Variants in FHL2 observed in about 807,000 individuals in gnomAD.
FHL2 encodes four and a half LIM domains 2.
In FHL2, 20 loss-of-function variants were observed where a neutral mutation model predicts 32.7. That is an observed-to-expected ratio of 0.61 (90% CI 0.43 to 0.89). The LOEUF (loss-of-function observed/expected upper bound fraction) is 0.89, where lower values mean the gene tolerates loss of function less well. FHL2 is among the 40% of genes least tolerant of loss of function. FHL2 has a pLI of 0.00. For synonymous variants in FHL2, 123 were observed against 128.1 expected, an observed-to-expected ratio of 0.96 and a Z score of 0.27; for missense variants, 311 against 358.6, an observed-to-expected ratio of 0.87 and a Z score of 1.07.
At chr2:105,405,322 G>A (rs140187707) in intron 1 of FHL2, among the ~76,000 whole-genome samples, 62 of 152,304 alleles carry the variant, frequency 4.1e-4, no homozygotes, top group Non-Finnish European at 4.4e-4. Context: ...TTGAGTGAAC[G>A]GTTTGCTTCC....
At position 105,363,305 on chromosome 2, in the gene FHL2, C is replaced by G. The variant is rs535364376; in HGVS notation, c.668G>C (p.Gly223Ala). The G allele has an allele frequency of 6.2e-7, 1 of 1,613,956 alleles. No individual in the cohort carries two copies. Among genetic ancestry groups the G allele is most frequent in the African/African-American group, 1.3e-5 (1 of 74,884 alleles). ...FCDLYAKKCA[G>A]CTNPISGLGG... ...CTCACCGCTGATGGGGTTGGTGCAC[C>G]CAGCACACTTCTTGGCATACAAGTC... The change falls in exon 6 of 7, where the codon GGG becomes GCG. Residue 223 changes from glycine (G) to alanine (A), a missense_variant. Physicochemically the swap from Gly to Ala is moderately conservative, Grantham distance 60. Transcript: ENST00000530340.
intron 1 of FHL2, among the ~76,000 whole-genome samples, chr2:105,417,859 A>G (rs981876458): frequency 6.6e-6 from 1 of 152,018 alleles, no homozygotes; most frequent in African/African-American, 2.4e-5. Flanking sequence ...TATCATGATT[A>G]CTAGTTTGGT....
chr2:105,424,537 A>G (rs894962249), intron 1 of FHL2, among the ~76,000 whole-genome samples: 1 of 152,256 alleles, frequency 6.6e-6, no homozygotes, highest in African/African-American at 2.4e-5. Flanking sequence ...GTATATACCC[A>G]AAGGATTATA....
chr2:105,438,502 T>G (rs1448253818), exon 1 of FHL2: 2 of 985,446 alleles, frequency 2.0e-6, no homozygotes, highest in African/African-American at 3.5e-5. Context: ...TCTGTGCAGC[T>G]GCCAGCCAGC....
intron 3 of FHL2, among the ~76,000 whole-genome samples, chr2:105,379,954 C>T (rs1681757620): frequency 6.6e-6 from 1 of 152,186 alleles, no homozygotes; most frequent in Non-Finnish European, 1.5e-5. Context: ...ACTAATTATG[C>T]CACGGGGTTT....
chr2:105,361,459 C>A, intron 6 of FHL2, 25 bp from the exon 7 acceptor site: 1 of 1,599,380 alleles, frequency 6.3e-7, no homozygotes, highest in South Asian at 1.1e-5. Context: ...AAAATAATAC[C>A]GGATGAAGAA....
chr2:105,398,129 C>A (rs894307461), intron 1 of FHL2, among the ~76,000 whole-genome samples: 8 of 152,058 alleles, frequency 5.3e-5, no homozygotes, highest in Non-Finnish European at 1.0e-4. Context: ...TGCAAGCCAG[C>A]TACACATTTC....
chr2:105,424,449 C>T (rs1232718147), intron 1 of FHL2, among the ~76,000 whole-genome samples: 1 of 152,196 alleles, frequency 6.6e-6, no homozygotes, highest in Non-Finnish European at 1.5e-5. Flanking sequence ...TTAGTTCAAC[C>T]ATTGTGGAAG....
At chr2:105,418,847 G>GT in intron 1 of FHL2, among the ~76,000 whole-genome samples, 1 of 152,084 alleles carries the variant, frequency 6.6e-6, no homozygotes, top group East Asian at 1.9e-4. Flanking sequence ...TGTTATAATT[G>GT]TTCTATTTTA....
upstream of FHL2, chr2:105,399,086 C>G: frequency 6.7e-7 from 1 of 1,486,622 alleles, no homozygotes; most frequent in Non-Finnish European, 8.9e-7. Context: ...CGAGAAACCC[C>G]GCCGTGTCAT....
intron 2 of FHL2, among the ~76,000 whole-genome samples, chr2:105,391,187 C>T (rs911533615): frequency 1.7e-4 from 26 of 152,112 alleles, no homozygotes; most frequent in African/African-American, 6.3e-4. Flanking sequence ...ATTGGTTGAG[C>T]TGGAACTATG....
At chr2:105,381,908 G>A (rs1195950653) in intron 3 of FHL2, among the ~76,000 whole-genome samples, 2 of 152,122 alleles carry the variant, frequency 1.3e-5, no homozygotes, top group Non-Finnish European at 2.9e-5. Context: ...AGACCAGCGA[G>A]GGAGGCCTGT....
At chr2:105,389,520 G>C (rs7557817) in intron 2 of FHL2, among the ~76,000 whole-genome samples, 56,676 of 152,110 alleles carry the variant, frequency 0.37, 10,825 homozygotes, top group East Asian at 0.52. Context: ...AAATAAGAAC[G>C]ATGAAAGGAC....
At chr2:105,382,115 A>G (rs1292272965) in intron 3 of FHL2, among the ~76,000 whole-genome samples, 2 of 152,194 alleles carry the variant, frequency 1.3e-5, no homozygotes, top group Non-Finnish European at 2.9e-5. Flanking sequence ...CCATTACCAA[A>G]CATTAACTGA....
chr2:105,373,146 C>T lies in FHL2; in HGVS notation c.331+413G>A, dbSNP rs75093299. 1.8e-4 allele frequency among the ~76,000 whole-genome samples: 28 copies of T among 152,314 alleles called. No individual in the cohort carries two copies. The East Asian group carries it at 4.4e-3, about 24-fold the overall frequency. Reference sequence around the variant, plus strand: ...GCTCACACCCTACGAATGCTCAGCTCGAGCCCAGTGCCTGGCACGCAAGGG... The same window carrying T: ...GCTCACACCCTACGAATGCTCAGCTTGAGCCCAGTGCCTGGCACGCAAGGG... On this transcript the variant is annotated intron_variant, in intron 4 of 6. Coordinates refer to ENST00000530340, the MANE Select transcript of FHL2 (RefSeq NM_001318895.3).
At chr2:105,383,928 G>A (rs1323771906) in intron 3 of FHL2, among the ~76,000 whole-genome samples, 1 of 152,122 alleles carries the variant, frequency 6.6e-6, no homozygotes, top group Non-Finnish European at 1.5e-5. Context: ...ACATTAATCC[G>A]GGTTGAAAAG....
At chr2:105,398,583 G>C (rs1683305242) in intron 1 of FHL2, among the ~76,000 whole-genome samples, 1 of 152,182 alleles carries the variant, frequency 6.6e-6, no homozygotes, top group Admixed American at 6.5e-5. Flanking sequence ...GCCCCACCTG[G>C]TGAGGACGCG....
chr2:105,437,635 T>G (rs1358742166), intron 1 of FHL2, among the ~76,000 whole-genome samples: 2 of 152,220 alleles, frequency 1.3e-5, no homozygotes, highest in Non-Finnish European at 2.9e-5. Context: ...TTTTTCTTTT[T>G]AGATTAGACT....
At chr2:105,373,132 AC>A (rs1014815499) in intron 4 of FHL2, among the ~76,000 whole-genome samples, 24 of 152,282 alleles carry the variant, frequency 1.6e-4, no homozygotes, top group African/African-American at 5.8e-4. Context: ...CTCACACCCT[AC>A]GAATGCTCAG....
Sources: gnomAD v4.1 joint callset for allele counts (sites outside exome capture counted in the v4.1 genomes callset) on GRCh38, gnomAD v4.1.1 for gene constraint, MANE v1.5 for transcripts, NCBI Gene and HGNC (gene_info 2026-07-23, HGNC 2026-07-21) for gene names.